EYS: variants seen among roughly 807,000 people sequenced by gnomAD.
The protein encoded by EYS is protein eyes shut homolog.
EYS carries 250 observed loss-of-function variants against 282.1 expected under a neutral mutation model. The ratio of observed to expected loss-of-function variants is 0.89; its 90% CI spans 0.80 to 0.98. The LOEUF (loss-of-function observed/expected upper bound fraction) is 0.98, where lower values mean the gene tolerates loss of function less well. Ranked by LOEUF, EYS falls within the 50% of genes least tolerant of loss-of-function variation. The pLI is 0.00. For missense variants in EYS, 4,016 were observed against 3,709.0 expected (o/e 1.08, Z -2.15); for synonymous variants, 1,355 against 1,282.9 (o/e 1.06, Z -1.20).
chr6:64,657,281 A>G (rs1762097922), intron 22 of EYS, among the ~76,000 whole-genome samples: 2 of 152,254 alleles, frequency 1.3e-5, no homozygotes, highest in South Asian at 4.2e-4. Context: ...TGAATACAGC[A>G]CACTGATGGG....
chr6:64,586,499 T>C (rs1416332216), intron 26 of EYS, among the ~76,000 whole-genome samples: 1 of 152,088 alleles, frequency 6.6e-6, no homozygotes, highest in Non-Finnish European at 1.5e-5. Flanking sequence ...ACACTGAATA[T>C]TGTTGTGAGC....
At chr6:65,646,739 T>A (rs1401285523) in intron 1 of EYS, among the ~76,000 whole-genome samples, 1 of 152,102 alleles carries the variant, frequency 6.6e-6, no homozygotes, top group African/African-American at 2.4e-5. Flanking sequence ...ACTGTCACTG[T>A]CTGCTGATAT....
At chr6:64,426,333 C>G (rs1213002918) in intron 28 of EYS, among the ~76,000 whole-genome samples, 2 of 152,112 alleles carry the variant, frequency 1.3e-5, no homozygotes, top group African/African-American at 2.4e-5. Flanking sequence ...TGACAAAATT[C>G]TCTACTCACA....
chr6:65,017,519 T>C lies in EYS; in HGVS notation c.2138-19816A>G, dbSNP rs73765719. On this transcript the variant is annotated intron_variant, in intron 13 of 42. Coordinates refer to ENST00000503581, the MANE Select transcript of EYS (RefSeq NM_001142800.2). ...TTCTTCATGTTAGTAAAATATTTTG[T>C]GAGTAATTAAAGTGAGAGTCAATAA... 6.3e-3 allele frequency among the ~76,000 whole-genome samples: 961 copies of C among 152,242 alleles called. 18 individuals carry two copies. The highest frequency in any genetic ancestry group is 0.021 in the African/African-American group (860 of 41,540).
intron 18 of EYS, among the ~76,000 whole-genome samples, chr6:64,900,701 G>A (rs1440850930): frequency 6.6e-6 from 1 of 152,160 alleles, no homozygotes; most frequent in Non-Finnish European, 1.5e-5. Context: ...ATGCCAGTTA[G>A]AATGGCGATC....
intron 2 of EYS, among the ~76,000 whole-genome samples, chr6:65,602,501 T>C (rs1298030496): frequency 6.6e-6 from 1 of 151,950 alleles, no homozygotes; most frequent in Non-Finnish European, 1.5e-5. Flanking sequence ...TATGGAAAAA[T>C]ATTTATCCAT....
In EYS at chr6:65,317,830, CTTTCTTTCTTTCTTT is replaced by C. The variant is rs1769345589; in HGVS notation, c.1766+17135_1766+17149del. Among the ~76,000 whole-genome samples the C allele has an allele frequency of 9.0e-3, 707 of 78,366 alleles. 5 individuals are homozygous for C. The highest frequency in any genetic ancestry group is 0.04 in the East Asian group (94 of 2,324). The allele number at this position is 78,366 out of a possible 152,430, so 51.4% of individuals were successfully genotyped here. On this transcript the variant is annotated intron_variant, in intron 11 of 42. Coordinates refer to ENST00000503581, the MANE Select transcript of EYS (RefSeq NM_001142800.2). ...CCTTCCTTCCTTCCTTCCTTCCTTT[CTTTCTTTCTTTCTTT>C]CTTTCTTTCTTTCTTTCTTTCTTTC...
intron 12 of EYS, among the ~76,000 whole-genome samples, chr6:65,295,332 T>C (rs1265170696): frequency 6.6e-6 from 1 of 152,016 alleles, no homozygotes; most frequent in Non-Finnish European, 1.5e-5. Context: ...CCTTAAAAGC[T>C]GCCTTATTAC....
intron 19 of EYS, among the ~76,000 whole-genome samples, chr6:64,882,755 A>AT (rs1252384643): frequency 6.6e-6 from 1 of 151,614 alleles, no homozygotes; most frequent in African/African-American, 2.4e-5. Flanking sequence ...TTTATATTCT[A>AT]TTTTAATATA....
intron 22 of EYS, among the ~76,000 whole-genome samples, chr6:64,680,019 T>C (rs528318672): frequency 1.2e-3 from 176 of 152,216 alleles, no homozygotes; most frequent in African/African-American, 4.1e-3. Context: ...TCCACATGTG[T>C]CAAAATAAAA....
At chr6:64,766,683 T>A (rs866095789) in intron 22 of EYS, among the ~76,000 whole-genome samples, 3 of 111,292 alleles carry the variant, frequency 2.7e-5, no homozygotes, top group East Asian at 2.6e-4. Flanking sequence ...TATATATATA[T>A]AAAATCTAAC....
intron 12 of EYS, among the ~76,000 whole-genome samples, chr6:65,243,087 ATAAACTGATTTGCAACAAAAAAT>A (rs1015850535): frequency 1.4e-5 from 1 of 69,056 alleles, no homozygotes; most frequent in African/African-American, 1.2e-4. Flanking sequence ...GCAACAAAAA[ATAAACTGATTTGCAACAAAAAAT>A]AAACTTAATT....
At chr6:64,769,779 A>T (rs1339147399) in intron 22 of EYS, among the ~76,000 whole-genome samples, 1 of 152,002 alleles carries the variant, frequency 6.6e-6, no homozygotes, top group Admixed American at 6.6e-5. Flanking sequence ...TGAACATGAG[A>T]ATAAGGTGTC....
chr6:65,696,460 C>T (rs1769460690), intron 1 of EYS, among the ~76,000 whole-genome samples: 1 of 151,870 alleles, frequency 6.6e-6, no homozygotes, highest in Non-Finnish European at 1.5e-5. Context: ...ACTATTTGTA[C>T]ATTTATTCAT....
chr6:64,346,138 G>C (rs1370779751), intron 29 of EYS, among the ~76,000 whole-genome samples: 1 of 152,112 alleles, frequency 6.6e-6, no homozygotes, highest in East Asian at 1.9e-4. Flanking sequence ...GTGGAAGTCA[G>C]TGTGGTGGTT....
chr6:64,321,304 A>G (rs1561928491), intron 29 of EYS, among the ~76,000 whole-genome samples: 2 of 151,758 alleles, frequency 1.3e-5, no homozygotes, highest in East Asian at 3.8e-4. Context: ...TCTAAACTGA[A>G]TTCTATATGT....
At chr6:65,453,688 T>TTGGTA (rs1178733918) in intron 5 of EYS, among the ~76,000 whole-genome samples, 4 of 151,996 alleles carry the variant, frequency 2.6e-5, no homozygotes, top group Non-Finnish European at 5.9e-5. Flanking sequence ...CCCTCCCCCC[T>TTGGTA]ACAGTCTCTG....
intron 41 of EYS, chr6:63,744,670 C>T (rs59091181): frequency 4.5e-5 from 7 of 157,048 alleles, no homozygotes; most frequent in East Asian, 1.9e-4. Context: ...TGGGTTCAAG[C>T]GATTCTCCTG....
chr6:64,382,176 C>T (rs1210327415), intron 29 of EYS, among the ~76,000 whole-genome samples: 1 of 152,066 alleles, frequency 6.6e-6, no homozygotes, highest in African/African-American at 2.4e-5. Context: ...TGTTTTTCTG[C>T]CTGATATTGA....
Sources: allele counts gnomAD v4.1 joint callset (sites outside exome capture counted in the v4.1 genomes callset), GRCh38; gene constraint gnomAD v4.1.1; transcripts MANE v1.5; gene names NCBI Gene and HGNC (gene_info 2026-07-23, HGNC 2026-07-21).